KIR2DL1: variants seen among roughly 807,000 people sequenced by gnomAD.
KIR2DL1 encodes killer cell immunoglobulin-like receptor 2DL1.
In KIR2DL1, 38 loss-of-function variants were observed where a neutral mutation model predicts 33.9. The observed-to-expected ratio is 1.12, with a 90% confidence interval of 0.86 to 1.47. KIR2DL1 has a LOEUF of 1.47. KIR2DL1 is among the 40% of genes most tolerant of loss of function. The probability of loss-of-function intolerance (pLI) is 0.00; values close to 1 mark genes in which losing one functional copy is unlikely to be tolerated. For missense variants in KIR2DL1, 531 were observed against 433.9 expected, an observed-to-expected ratio of 1.22 and a Z score of -1.99; for synonymous variants, 179 against 165.9, an observed-to-expected ratio of 1.08 and a Z score of -0.61.
intron 2 of KIR2DL1, among the ~76,000 whole-genome samples, chr19:54,772,938 T>C (rs1600721334): frequency 6.8e-6 from 1 of 147,498 alleles, no homozygotes; most frequent in South Asian, 2.2e-4. Context: ...GCCTTACTGA[T>C]CAGTTCATAC....
rs757486850 is a variant in KIR2DL1 at position 54,773,353 on chromosome 19, C to T, written c.91C>T (p.Leu31Phe). 2.5e-6 allele frequency: 4 copies of T among 1,599,190 alleles called. No homozygotes were observed. In the Admixed American group the frequency reaches 6.8e-5, roughly 27 times the overall value. Residue 31 changes from leucine (L) to phenylalanine (F), a missense_variant, in exon 3 of 8, where the codon CTC becomes TTC. Transcript: ENST00000336077. Reference sequence around the variant, plus strand: ...CCTAGGAGTCCACAGAAAACCTTCCCTCCTGGCCCACCCAGGTCGCCTGGT... The same window carrying T: ...CCTAGGAGTCCACAGAAAACCTTCCTTCCTGGCCCACCCAGGTCGCCTGGT... The part of the protein sequence containing the change: ...PHEGVHRKPS[L>F]LAHPGRLVKS...
intron 1 of KIR2DL1, among the ~76,000 whole-genome samples, chr19:54,770,137 AG>A (rs2075492011): frequency 1.5e-5 from 2 of 137,004 alleles, no homozygotes; most frequent in Middle Eastern, 3.9e-3. Context: ...AGGAACCTGG[AG>A]GGGAGATAGG....
At position 54,783,036 on chromosome 19, in the gene KIR2DL1, A is replaced by T; in HGVS notation, c.817+13A>T. On this transcript the variant is annotated intron_variant, in intron 6 of 7. Transcript: ENST00000336077. ...TCCAACAAAAAAAGTAAGTCTCACGAAGCAGAGGCCAGAGAGCTCAGGGCC... is the reference window on the plus strand; with the variant it reads ...TCCAACAAAAAAAGTAAGTCTCACGTAGCAGAGGCCAGAGAGCTCAGGGCC... 1.2e-6 allele frequency: 2 copies of T among 1,611,238 alleles called. No individual in the cohort carries two copies. Among genetic ancestry groups the T allele is most frequent in the South Asian group, 2.2e-5 (2 of 91,032 alleles).
chr19:54,776,257 A>AC (rs1556059498), intron 4 of KIR2DL1, among the ~76,000 whole-genome samples: 1 of 145,590 alleles, frequency 6.9e-6, no homozygotes, highest in African/African-American at 2.5e-5. Context: ...ATATATATAC[A>AC]TTTTTTTTAC....
chr19:54,781,562 A>AGT (rs2076948869), intron 5 of KIR2DL1, among the ~76,000 whole-genome samples: 4 of 150,898 alleles, frequency 2.7e-5, no homozygotes, highest in Admixed American at 2.6e-4. Flanking sequence ...ATCAGAGATC[A>AGT]GCGACAGCAC....
In KIR2DL1 at chr19:54,784,058, T is replaced by G. The variant is rs1233001284; in HGVS notation, c.*245T>G. The stretch of plus-strand genomic sequence containing the variant: ...CTTAACCCACAGTTCTCCATTTCAC[T>G]TGACCCCTGCCCACCTCTCCAACCT... On this transcript the variant is annotated 3_prime_UTR_variant, in exon 8 of 8. Transcript: ENST00000336077. 29 of 647,544 alleles carry G rather than the reference T, an allele frequency of 4.5e-5. 1 individual carries two copies. The highest frequency in any genetic ancestry group is 3.7e-5 in the Non-Finnish European group (14 of 379,626). 40.1% of individuals were successfully genotyped at this position (647,544 alleles called of 1,614,324 possible).
Position 54,772,504 on chromosome 19 carries a change from G to T in KIR2DL1, c.71-829G>T, listed in dbSNP as rs534467981. Among the ~76,000 whole-genome samples the T allele has an allele frequency of 1.4e-5, 2 of 145,862 alleles. 1 individual carries two copies. The highest frequency in any genetic ancestry group is 3.1e-5 in the Non-Finnish European group (2 of 65,512). Reference sequence around the variant, plus strand: ...CTGATAATTTTCTACAGCAGCAACAGGAAACCAACACTGGAACCCAGGTCA... The same window carrying T: ...CTGATAATTTTCTACAGCAGCAACATGAAACCAACACTGGAACCCAGGTCA... On this transcript the variant is annotated intron_variant, in intron 2 of 7. Coordinates refer to ENST00000336077, the MANE Select transcript of KIR2DL1 (RefSeq NM_014218.3).
rs1412165308 is a variant in KIR2DL1 at position 54,783,924 on chromosome 19, C to T, written c.*111C>T. 2 of 1,428,870 alleles carry T rather than the reference C, an allele frequency of 1.4e-6. No individual in the cohort carries two copies. Among genetic ancestry groups the T allele is most frequent in the African/African-American group, 1.4e-5 (1 of 70,962 alleles). The allele number at this position is 1,428,870 out of a possible 1,614,324, so 88.5% of individuals were successfully genotyped here. The stretch of plus-strand genomic sequence containing the variant: ...GCTGGAATCTGAAGGCGTGAGTCTG[C>T]ATCTTAGGGCATCGATCTTCCTCAC... On this transcript the variant is annotated 3_prime_UTR_variant, in exon 8 of 8. Coordinates refer to ENST00000336077, the MANE Select transcript of KIR2DL1 (RefSeq NM_014218.3).
chr19:54,781,311 G>A (rs2076905796), intron 5 of KIR2DL1, among the ~76,000 whole-genome samples: 3 of 148,898 alleles, frequency 2.0e-5, no homozygotes, highest in African/African-American at 4.9e-5. Context: ...TAGGCAATGA[G>A]CCTAAAACCT....
chr19:54,781,335 C>T (rs1486720803), intron 5 of KIR2DL1, among the ~76,000 whole-genome samples: 1 of 149,862 alleles, frequency 6.7e-6, no homozygotes, highest in Non-Finnish European at 1.5e-5. Flanking sequence ...CCCTATTTGG[C>T]TTTCTGTGAG....
chr19:54,777,386 C>T (rs189726736), intron 4 of KIR2DL1, among the ~76,000 whole-genome samples: 9 of 148,420 alleles, frequency 6.1e-5, no homozygotes, highest in East Asian at 3.9e-4. Context: ...CCACCTCACC[C>T]GGCCTAAAAG....
At position 54,778,635 on chromosome 19, in the gene KIR2DL1, T is replaced by C. The variant is rs556830915; in HGVS notation, c.688T>C (p.Ser230Pro). 11 of 1,570,184 alleles carry C rather than the reference T, an allele frequency of 7.0e-6. No individual in the cohort carries two copies. The East Asian group carries it at 1.8e-4, about 26-fold the overall frequency. Residue 230 changes from serine to proline, a missense_variant, in exon 5 of 8, where the codon TCA (serine) becomes CCA (proline). Coordinates refer to ENST00000336077, the MANE Select transcript of KIR2DL1 (RefSeq NM_014218.3). Reference sequence around the variant, plus strand: ...AGGAAACCCTTCAAATAGTTGGCCTTCACCCACTGAACCAAGCTCCAAAAC... The same window carrying C: ...AGGAAACCCTTCAAATAGTTGGCCTCCACCCACTGAACCAAGCTCCAAAAC... ...VTGNPSNSWP[S>P]PTEPSSKTGN...
chr19:54,770,150 A>ACCTGGAGGGGAGATATGGG (rs2075495033), intron 1 of KIR2DL1, among the ~76,000 whole-genome samples: 1 of 110,520 alleles, frequency 9.0e-6, no homozygotes, highest in East Asian at 2.4e-4. Flanking sequence ...GGAGATAGGA[A>ACCTGGAGGGGAGATATGGG]CCTGGAGGGG....
intron 1 of KIR2DL1, among the ~76,000 whole-genome samples, chr19:54,770,350 G>C (rs1188168838): frequency 7.1e-5 from 10 of 140,132 alleles, no homozygotes; most frequent in African/African-American, 2.6e-4. Flanking sequence ...TGGGCCAGGA[G>C]TGGAGATATG....
chr19:54,771,125 G>A (rs1183861545), intron 2 of KIR2DL1, among the ~76,000 whole-genome samples: 1 of 148,420 alleles, frequency 6.7e-6, no homozygotes, highest in African/African-American at 2.5e-5. Context: ...GAAGTGGTAG[G>A]AACAGCAGAT....
At chr19:54,773,098 G>A (rs1057427357) in intron 2 of KIR2DL1, among the ~76,000 whole-genome samples, 1 of 148,588 alleles carries the variant, frequency 6.7e-6, no homozygotes, top group African/African-American at 2.5e-5. Context: ...CAAGAGATGA[G>A]GCTGAGCCCA....
chr19:54,772,916 C>T (rs200824951), intron 2 of KIR2DL1, among the ~76,000 whole-genome samples: 2 of 136,952 alleles, frequency 1.5e-5, no homozygotes, highest in Non-Finnish European at 3.2e-5. Flanking sequence ...GGGTGTGTGG[C>T]CACTGGTGCC....
At chr19:54,777,808 T>C (rs1481460869) in intron 4 of KIR2DL1, among the ~76,000 whole-genome samples, 1 of 148,846 alleles carries the variant, frequency 6.7e-6, no homozygotes, top group Non-Finnish European at 1.5e-5. Context: ...GTTCAGGCCT[T>C]AGACTCACAT....
rs1485195617 is a variant in KIR2DL1, at chr19:54,778,316, A to T, written c.665-296A>T. ...TGCATGGAATATATCTGTGTTATTC[A>T]TTCTGCTCCGTTGTTCTATGTGCCT... On this transcript the variant is annotated intron_variant, in intron 4 of 7. Transcript: ENST00000336077. Among the ~76,000 whole-genome samples, 229 of 149,662 alleles carry T rather than the reference A, an allele frequency of 1.5e-3. 1 individual carries two copies. Among genetic ancestry groups the T allele is most frequent in the African/African-American group, 5.4e-3 (222 of 41,032 alleles).
Sources: gnomAD v4.1 joint callset for allele counts (sites outside exome capture counted in the v4.1 genomes callset) on GRCh38, gnomAD v4.1.1 for gene constraint, MANE v1.5 for transcripts, NCBI Gene and HGNC (gene_info 2026-07-23, HGNC 2026-07-21) for gene names.